The following NDUFAF2 variants were observed in gnomAD, a reference collection of about 807,000 sequenced individuals.
The protein encoded by NDUFAF2 is NADH:ubiquinone oxidoreductase complex assembly factor 2, also known as NADH dehydrogenase [ubiquinone] 1 alpha subcomplex assembly factor 2.
Under a neutral mutation model 22.8 loss-of-function variants are expected in NDUFAF2, and 13 were observed. That is an observed-to-expected ratio of 0.57 (90% confidence interval 0.37 to 0.91). The LOEUF (loss-of-function observed/expected upper bound fraction) is 0.91, where lower values mean the gene tolerates loss of function less well. NDUFAF2 is among the 40% of genes least tolerant of loss of function. The probability of loss-of-function intolerance (pLI) is 0.01; values close to 1 mark genes in which losing one functional copy is unlikely to be tolerated. For synonymous variants in NDUFAF2, 53 were observed against 64.2 expected (o/e 0.83, Z 0.84); for missense variants, 162 against 195.2 (o/e 0.83, Z 1.01).
intron 1 of NDUFAF2, among the ~76,000 whole-genome samples, chr5:61,059,652 T>C (rs1279584994): frequency 6.6e-6 from 1 of 152,086 alleles, no homozygotes; most frequent in Non-Finnish European, 1.5e-5. Context: ...TTTTCTGTGA[T>C]AGAACAAGTT....
intron 3 of NDUFAF2, among the ~76,000 whole-genome samples, chr5:61,107,016 T>C (rs68104763): frequency 0.41 from 60,348 of 146,954 alleles, 13,515 homozygotes; most frequent in East Asian, 0.79. Context: ...ATCTCTTCGA[T>C]ATTCTGATTT....
At chr5:60,994,351 C>T (rs528963138) in intron 1 of NDUFAF2, among the ~76,000 whole-genome samples, 1 of 152,330 alleles carries the variant, frequency 6.6e-6, no homozygotes, top group South Asian at 2.1e-4. Flanking sequence ...CTCCTGCCTG[C>T]TCCAGGAGTG....
At position 61,022,046 on chromosome 5, in the gene NDUFAF2, G is replaced by A. The variant is rs945354108; in HGVS notation, c.128-51079G>A. Among the ~76,000 whole-genome samples the A allele has an allele frequency of 3.9e-5, 6 of 152,150 alleles. No homozygotes were observed. In the South Asian group the frequency reaches 1.2e-3, roughly 32 times the overall value. On this transcript the variant is annotated intron_variant, in intron 1 of 3. Coordinates refer to ENST00000296597, the MANE Select transcript of NDUFAF2 (RefSeq NM_174889.5). ...GCCTTCAATTGGTTGGATGAAGCCT[G>A]TTCACATTATGGAGGTTAATCTGCT...
intron 1 of NDUFAF2, among the ~76,000 whole-genome samples, chr5:60,984,610 T>C (rs1751042424): frequency 6.6e-6 from 1 of 152,106 alleles, no homozygotes; most frequent in African/African-American, 2.4e-5. Flanking sequence ...AGCATGAAGG[T>C]TGTTGAATGT....
At chr5:60,979,983 G>A (rs937722166) in intron 1 of NDUFAF2, among the ~76,000 whole-genome samples, 3 of 152,012 alleles carry the variant, frequency 2.0e-5, no homozygotes, top group Admixed American at 2.0e-4. Flanking sequence ...CTCTGTTAAG[G>A]GAAGAGGACG....
chr5:60,986,431 G>A (rs1751077622), intron 1 of NDUFAF2, among the ~76,000 whole-genome samples: 1 of 152,120 alleles, frequency 6.6e-6, no homozygotes, highest in Admixed American at 6.5e-5. Flanking sequence ...TGAGAACAAA[G>A]ATACAACATA....
intron 2 of NDUFAF2, among the ~76,000 whole-genome samples, chr5:61,074,553 C>T (rs1041111904): frequency 2.6e-5 from 4 of 151,664 alleles, no homozygotes; most frequent in East Asian, 2.0e-4. Context: ...CGCCACTGCA[C>T]TCCAGCCTGG....
intron 1 of NDUFAF2, among the ~76,000 whole-genome samples, chr5:60,947,469 A>G (rs1263866459): frequency 6.6e-6 from 1 of 152,020 alleles, no homozygotes; most frequent in Non-Finnish European, 1.5e-5. Context: ...TTTGCCCATT[A>G]AAAAATCCAT....
chr5:61,078,269 A>AG (rs1478464332), intron 2 of NDUFAF2, among the ~76,000 whole-genome samples: 19 of 81,180 alleles, frequency 2.3e-4, no homozygotes, highest in Non-Finnish European at 4.2e-4. Flanking sequence ...CTAGCTCAAT[A>AG]GTTAAGTAAA....
intron 1 of NDUFAF2, among the ~76,000 whole-genome samples, chr5:61,023,602 T>A (rs964106872): frequency 6.6e-6 from 1 of 152,174 alleles, no homozygotes. Context: ...CCAGTCAGAT[T>A]TTATGTTACT....
At chr5:61,061,500 T>C (rs1752165187) in intron 1 of NDUFAF2, among the ~76,000 whole-genome samples, 1 of 152,206 alleles carries the variant, frequency 6.6e-6, no homozygotes, top group South Asian at 2.1e-4. Flanking sequence ...ACTTTGTTTA[T>C]GGAATATGTA....
At chr5:60,973,341 T>C (rs973808935) in intron 1 of NDUFAF2, among the ~76,000 whole-genome samples, 3 of 152,220 alleles carry the variant, frequency 2.0e-5, no homozygotes, top group African/African-American at 7.2e-5. Flanking sequence ...CTTGAGTTTT[T>C]TGTTTGCTTG....
intron 3 of NDUFAF2, among the ~76,000 whole-genome samples, chr5:61,120,481 T>C (rs1752962357): frequency 6.6e-6 from 1 of 151,594 alleles, no homozygotes; most frequent in Non-Finnish European, 1.5e-5. Context: ...AAAGGACGGT[T>C]TCTTACATAC....
chr5:61,080,249 T>C (rs1752425535), intron 2 of NDUFAF2, among the ~76,000 whole-genome samples: 1 of 152,216 alleles, frequency 6.6e-6, no homozygotes, highest in Admixed American at 6.5e-5. Flanking sequence ...TATTAATTCA[T>C]ATACACATTC....
chr5:61,133,929 G>A (rs1362242906), intron 3 of NDUFAF2, among the ~76,000 whole-genome samples: 1 of 152,182 alleles, frequency 6.6e-6, no homozygotes, highest in Non-Finnish European at 1.5e-5. Context: ...AGCAATCTAA[G>A]TTCTAGTAGA....
At chr5:60,994,084 A>T (rs1272009765) in intron 1 of NDUFAF2, among the ~76,000 whole-genome samples, 1 of 152,194 alleles carries the variant, frequency 6.6e-6, no homozygotes, top group Non-Finnish European at 1.5e-5. Flanking sequence ...TTGGTGCCCA[A>T]AATCCAGAGG....
At chr5:61,075,286 A>G (rs1752353220) in intron 2 of NDUFAF2, among the ~76,000 whole-genome samples, 1 of 152,292 alleles carries the variant, frequency 6.6e-6, no homozygotes, top group African/African-American at 2.4e-5. Flanking sequence ...GAATGTAAAC[A>G]TCATTTCAGT....
chr5:61,032,295 G>A (rs757661297), intron 1 of NDUFAF2, among the ~76,000 whole-genome samples: 9 of 151,944 alleles, frequency 5.9e-5, no homozygotes, highest in Admixed American at 2.0e-4. Flanking sequence ...TCATAAAGTC[G>A]TTGCCCATGC....
At chr5:61,045,616 G>A (rs1210151668) in intron 1 of NDUFAF2, among the ~76,000 whole-genome samples, 3 of 152,004 alleles carry the variant, frequency 2.0e-5, no homozygotes, top group African/African-American at 7.2e-5. Flanking sequence ...TGAGATTACA[G>A]GCATGAACTA....
Sources: gnomAD v4.1 joint callset for allele counts (sites outside exome capture counted in the v4.1 genomes callset) on GRCh38, gnomAD v4.1.1 for gene constraint, MANE v1.5 for transcripts, NCBI Gene and HGNC (gene_info 2026-07-23, HGNC 2026-07-21) for gene names.